The following ALCAM variants were observed in gnomAD, a reference collection of about 807,000 sequenced individuals.
The protein encoded by ALCAM is CD166 antigen.
ALCAM carries 30 observed loss-of-function variants against 70.9 expected under a neutral mutation model. That is an observed-to-expected ratio of 0.42 (90% CI 0.32 to 0.57). ALCAM has a LOEUF of 0.57. Among genes scored for constraint, ALCAM ranks in the 20% least tolerant of loss-of-function variants. The probability of loss-of-function intolerance (pLI) is 0.11; values close to 1 mark genes in which losing one functional copy is unlikely to be tolerated. For synonymous variants in ALCAM, 249 were observed against 242.5 expected, an observed-to-expected ratio of 1.03 and a Z score of -0.25; for missense variants, 591 against 695.1, an observed-to-expected ratio of 0.85 and a Z score of 1.68.
At chr3:105,484,795 G>T (rs530846802) in intron 1 of ALCAM, among the ~76,000 whole-genome samples, 1 of 152,058 alleles carries the variant, frequency 6.6e-6, no homozygotes, top group Non-Finnish European at 1.5e-5. Flanking sequence ...GGAATAAACA[G>T]CTGTCATGGA....
intron 1 of ALCAM, among the ~76,000 whole-genome samples, chr3:105,474,087 C>A (rs1559803660): frequency 6.6e-6 from 1 of 151,570 alleles, no homozygotes; most frequent in East Asian, 1.9e-4. Flanking sequence ...AATTTTGTAG[C>A]ATTTGGTTTC....
intron 2 of ALCAM, among the ~76,000 whole-genome samples, chr3:105,522,538 A>G (rs1355725726): frequency 1.3e-5 from 2 of 151,946 alleles, no homozygotes; most frequent in Non-Finnish European, 2.9e-5. Context: ...CATATTGTAA[A>G]CTCCCTGTGA....
intron 1 of ALCAM, among the ~76,000 whole-genome samples, chr3:105,475,861 G>T (rs1185923394): frequency 6.6e-6 from 1 of 151,712 alleles, no homozygotes; most frequent in Admixed American, 6.6e-5. Context: ...ATAAAAAATA[G>T]ATTTCCATAA....
intron 1 of ALCAM, among the ~76,000 whole-genome samples, chr3:105,511,209 G>A (rs1355709299): frequency 6.6e-6 from 1 of 151,944 alleles, no homozygotes; most frequent in East Asian, 1.9e-4. Context: ...ACCCCACTGG[G>A]CTACCATTGT....
At chr3:105,391,938 T>C (rs1339680844) in intron 1 of ALCAM, among the ~76,000 whole-genome samples, 1 of 152,054 alleles carries the variant, frequency 6.6e-6, no homozygotes, top group Non-Finnish European at 1.5e-5. Context: ...TTGATTGTGG[T>C]GGATAAGCTT....
At chr3:105,473,574 A>C (rs1938003214) in intron 1 of ALCAM, among the ~76,000 whole-genome samples, 1 of 151,690 alleles carries the variant, frequency 6.6e-6, no homozygotes, top group Non-Finnish European at 1.5e-5. Context: ...TAGCTGGATA[A>C]GAATTACTCA....
At chr3:105,374,687 T>G (rs1310076057) in intron 1 of ALCAM, among the ~76,000 whole-genome samples, 2 of 152,032 alleles carry the variant, frequency 1.3e-5, no homozygotes, top group African/African-American at 4.8e-5. Flanking sequence ...CAGCTAATTT[T>G]GTGTATTTTT....
rs531704974 is a variant in ALCAM at position 105,407,269 on chromosome 3, A to C, written c.73+39788A>C. 1.7e-3 allele frequency among the ~76,000 whole-genome samples: 258 copies of C among 151,858 alleles called. 1 individual carries two copies. The highest frequency in any genetic ancestry group is 3.4e-3 in the Middle Eastern group (1 of 294). ...ATAACAACAACAGCAACAACAACAA[A>C]AAAAAAACAACAGATCAGTATCCCT... On this transcript the variant is annotated intron_variant, in intron 1 of 15. Transcript: ENST00000306107.
In ALCAM at chr3:105,460,118, T is replaced by C. The variant is rs140575769; in HGVS notation, c.74-59949T>C. 5.8e-3 allele frequency among the ~76,000 whole-genome samples: 876 copies of C among 152,182 alleles called. 7 individuals are homozygous for C. Among genetic ancestry groups the C allele is most frequent in the African/African-American group, 0.02 (846 of 41,562 alleles). ...TTGACAGTATGTGGTGGATAGTCTC[T>C]CTGGTATGACTAATTGAGAATTGAT... is the stretch of plus-strand genomic sequence containing the variant. On this transcript the variant is annotated intron_variant, in intron 1 of 15. Transcript: ENST00000306107.
intron 1 of ALCAM, among the ~76,000 whole-genome samples, chr3:105,519,250 G>A: frequency 6.6e-6 from 1 of 151,720 alleles, no homozygotes. Flanking sequence ...ATCCAGATTT[G>A]AATAATGCTT....
chr3:105,407,760 G>A (rs1185389019), intron 1 of ALCAM, among the ~76,000 whole-genome samples: 2 of 152,070 alleles, frequency 1.3e-5, no homozygotes, highest in African/African-American at 4.8e-5. Context: ...CATCCGAAGA[G>A]GAAGTCAAAC....
At chr3:105,514,656 T>G (rs1247840989) in intron 1 of ALCAM, among the ~76,000 whole-genome samples, 1 of 151,954 alleles carries the variant, frequency 6.6e-6, no homozygotes, top group Non-Finnish European at 1.5e-5. Context: ...TCTTAAAACA[T>G]AATCCTGGGT....
intron 15 of ALCAM, among the ~76,000 whole-genome samples, chr3:105,573,358 A>T (rs890283347): frequency 1.3e-5 from 2 of 151,850 alleles, no homozygotes; most frequent in African/African-American, 4.8e-5. Context: ...AAAAAACTTT[A>T]ATCTAGATAT....
At position 105,547,223 on chromosome 3, in the gene ALCAM, A is replaced by T. The variant is rs753284938; in HGVS notation, c.1179A>T (p.Glu393Asp). The change falls in exon 10 of 16, where the codon GAA becomes GAT. Residue 393 changes from glutamate to aspartate, a missense_variant. Transcript: ENST00000306107. ...HYQDAGNYVCETALQEVEGLK... is the reference protein window; with the variant it reads ...HYQDAGNYVCDTALQEVEGLK... ...AGGATGCTGGAAACTATGTCTGCGA[A>T]ACTGCTCTGCAGGAGGTTGAAGGAC... The T allele has an allele frequency of 1.4e-5, 22 of 1,608,926 alleles. No homozygotes were observed. Among genetic ancestry groups the T allele is most frequent in the Non-Finnish European group, 1.7e-5 (20 of 1,177,186 alleles).
Position 105,524,779 on chromosome 3 carries a change from A to G in ALCAM, c.394+271A>G, listed in dbSNP as rs187372208. The G allele has an allele frequency of 1.3e-4, 149 of 1,175,800 alleles. No individual in the cohort carries two copies. The East Asian group carries it at 5.4e-3, about 42-fold the overall frequency. The allele number at this position is 1,175,800 out of a possible 1,614,324, so 72.8% of individuals were successfully genotyped here. On this transcript the variant is annotated intron_variant, in intron 3 of 15. Transcript: ENST00000306107. ...ATGTCGTGAGCTATGAAGTACTACT[A>G]CTGATAACTAGCAGGTGATCTTAAT...
At chr3:105,372,291 T>C (rs1015907297) in intron 1 of ALCAM, among the ~76,000 whole-genome samples, 2 of 152,140 alleles carry the variant, frequency 1.3e-5, no homozygotes, top group Non-Finnish European at 1.5e-5. Flanking sequence ...ACCATATTTT[T>C]GGAGTTACTG....
chr3:105,506,412 T>C (rs1429501409), intron 1 of ALCAM, among the ~76,000 whole-genome samples: 1 of 152,210 alleles, frequency 6.6e-6, no homozygotes, highest in African/African-American at 2.4e-5. Context: ...TTCAGTCTTT[T>C]CCATGTGGTT....
intron 9 of ALCAM, among the ~76,000 whole-genome samples, chr3:105,546,616 T>C (rs1940253460): frequency 6.6e-6 from 1 of 151,454 alleles, no homozygotes; most frequent in Admixed American, 6.6e-5. Context: ...AGAAACTAAG[T>C]TTACTGTGGT....
At chr3:105,531,596 T>C (rs1486113874) in intron 3 of ALCAM, among the ~76,000 whole-genome samples, 3 of 152,090 alleles carry the variant, frequency 2.0e-5, no homozygotes, top group Non-Finnish European at 4.4e-5. Context: ...ACAAGTATCT[T>C]TGTGATTCTG....
Sources: gnomAD v4.1 joint callset for allele counts (sites outside exome capture counted in the v4.1 genomes callset) on GRCh38, gnomAD v4.1.1 for gene constraint, MANE v1.5 for transcripts, NCBI Gene and HGNC (gene_info 2026-07-23, HGNC 2026-07-21) for gene names.